MBOAT2: variants seen among roughly 807,000 people sequenced by gnomAD.
The protein encoded by MBOAT2 is membrane bound glycerophospholipid O-acyltransferase 2.
In MBOAT2, 28 loss-of-function variants were observed where a neutral mutation model predicts 63.4. The ratio of observed to expected loss-of-function variants is 0.44; its 90% CI spans 0.33 to 0.61. The LOEUF (loss-of-function observed/expected upper bound fraction) is 0.61. MBOAT2 is among the 20% of genes least tolerant of loss of function. The pLI is 0.03. For synonymous variants in MBOAT2, 211 were observed against 215.6 expected, an observed-to-expected ratio of 0.98 and a Z score of 0.19; for missense variants, 470 against 605.8, an observed-to-expected ratio of 0.78 and a Z score of 2.35.
chr2:8,926,897 C>T (rs1349879856), intron 3 of MBOAT2, among the ~76,000 whole-genome samples: 2 of 152,158 alleles, frequency 1.3e-5, no homozygotes, highest in Non-Finnish European at 2.9e-5. Flanking sequence ...GTCACCACCA[C>T]CCACTTAGTG....
At chr2:8,898,424 A>T (rs1268222105) in intron 4 of MBOAT2, among the ~76,000 whole-genome samples, 3 of 152,230 alleles carry the variant, frequency 2.0e-5, no homozygotes, top group African/African-American at 7.2e-5. Context: ...GCCTGTATTC[A>T]TTCCTTGCTG....
chr2:8,934,563 A>G (rs952980666), intron 3 of MBOAT2, among the ~76,000 whole-genome samples: 12 of 152,220 alleles, frequency 7.9e-5, no homozygotes, highest in African/African-American at 2.9e-4. Context: ...GGATAAGATA[A>G]TATCAAAAAA....
chr2:8,964,473 T>C (rs1669847586), intron 1 of MBOAT2, among the ~76,000 whole-genome samples: 1 of 150,932 alleles, frequency 6.6e-6, no homozygotes, highest in African/African-American at 2.4e-5. Context: ...ATTTACATAT[T>C]GCATTGCTTT....
At chr2:8,890,174 G>T (rs1222078142) in intron 4 of MBOAT2, among the ~76,000 whole-genome samples, 2 of 152,104 alleles carry the variant, frequency 1.3e-5, no homozygotes, top group Non-Finnish European at 2.9e-5. Flanking sequence ...ACTCTTCCTC[G>T]AAGCATTTTA....
At chr2:8,899,442 C>T (rs560505181) in intron 4 of MBOAT2, among the ~76,000 whole-genome samples, 3 of 152,230 alleles carry the variant, frequency 2.0e-5, no homozygotes, top group Non-Finnish European at 4.4e-5. Context: ...CTGAGAAGGC[C>T]GCGCCAGTGT....
chr2:8,917,853 A>G (rs1666297022), intron 3 of MBOAT2, among the ~76,000 whole-genome samples: 1 of 152,254 alleles, frequency 6.6e-6, no homozygotes, highest in African/African-American at 2.4e-5. Flanking sequence ...TAATAGGTGA[A>G]AGGATACATA....
intron 8 of MBOAT2, among the ~76,000 whole-genome samples, chr2:8,872,029 T>C (rs1018939035): frequency 4.6e-5 from 7 of 152,180 alleles, no homozygotes; most frequent in African/African-American, 1.4e-4. Flanking sequence ...GCCAGAATCA[T>C]CTTCTTCTGC....
At chr2:8,935,906 TATC>T (rs142375582) in intron 3 of MBOAT2, among the ~76,000 whole-genome samples, 1,991 of 152,362 alleles carry the variant, frequency 0.013, 22 homozygotes, top group Middle Eastern at 0.027. Context: ...TGTTCAATTT[TATC>T]ATCAATAAAG....
At chr2:8,999,506 T>C (rs1014921403) in intron 1 of MBOAT2, among the ~76,000 whole-genome samples, 29 of 152,232 alleles carry the variant, frequency 1.9e-4, no homozygotes, top group African/African-American at 5.1e-4. Context: ...AATAGGTTGA[T>C]CTGGGACATT....
Position 8,873,112 on chromosome 2 carries a change from C to A in MBOAT2, c.879G>T (p.Thr293=), listed in dbSNP as rs1234728831. The part of the protein sequence containing the change: ...AARPKYYFAW[T]LADAINNAAG... Reference sequence around the variant, plus strand: ...ATCTATTTACATGTTACTTACCTAGCGTCCATGCAAAATAGTATTTGGGTC... The same window carrying A: ...ATCTATTTACATGTTACTTACCTAGAGTCCATGCAAAATAGTATTTGGGTC... Residue 293 remains threonine (T), a synonymous_variant, in exon 8 of 13, where the codon ACG becomes ACT. Coordinates refer to ENST00000305997, the MANE Select transcript of MBOAT2 (RefSeq NM_138799.4). 1.2e-6 allele frequency: 2 copies of A among 1,612,588 alleles called. No homozygotes were observed. The highest frequency in any genetic ancestry group is 1.7e-6 in the Non-Finnish European group (2 of 1,178,986).
At chr2:8,865,764 C>T (rs544570868) in intron 9 of MBOAT2, among the ~76,000 whole-genome samples, 33 of 152,314 alleles carry the variant, frequency 2.2e-4, no homozygotes, top group African/African-American at 6.7e-4. Flanking sequence ...AGGATGGGCA[C>T]GGTGGCTCAT....
chr2:8,967,052 C>G (rs1670045139), intron 1 of MBOAT2, among the ~76,000 whole-genome samples: 1 of 152,164 alleles, frequency 6.6e-6, no homozygotes, highest in African/African-American at 2.4e-5. Context: ...CCATACATCT[C>G]AAGTCAATTC....
At chr2:8,983,236 T>C (rs1427548410) in intron 1 of MBOAT2, among the ~76,000 whole-genome samples, 1 of 152,120 alleles carries the variant, frequency 6.6e-6, no homozygotes, top group African/African-American at 2.4e-5. Context: ...ATATTGTATT[T>C]TCATTACAAA....
At chr2:8,868,377 C>A (rs1235818359) in intron 9 of MBOAT2, 69 bp downstream of exon 9, 66 of 1,330,614 alleles carry the variant, frequency 5.0e-5, no homozygotes, top group Non-Finnish European at 6.8e-5. Context: ...GGACATCACA[C>A]CATAACTTAT....
rs34283384 is a variant in MBOAT2, at chr2:8,857,824, G to A, written c.*855C>T. 4,049 of 152,294 alleles carry A rather than the reference G, an allele frequency of 0.027. 64 individuals carry two copies. The highest frequency in any genetic ancestry group is 0.04 in the Non-Finnish European group (2,690 of 68,030). The allele number at this position is 152,294 out of a possible 1,614,324, so 9.4% of individuals were successfully genotyped here. On this transcript the variant is annotated 3_prime_UTR_variant, in exon 13 of 13. Coordinates refer to ENST00000305997, the MANE Select transcript of MBOAT2 (RefSeq NM_138799.4). ...ATGACGGCGCAGAGCCCTGGCATGG[G>A]GGGGAAGCTGCCTGCAGAGTCGCGG...
chr2:8,896,657 T>C (rs1664500300), intron 4 of MBOAT2, among the ~76,000 whole-genome samples: 1 of 152,238 alleles, frequency 6.6e-6, no homozygotes, highest in African/African-American at 2.4e-5. Flanking sequence ...TTAAAATTGG[T>C]ATAGACGGCT....
rs566771204 is a variant in MBOAT2, at chr2:8,999,472, T to C, written c.75+4068A>G. Among the ~76,000 whole-genome samples the C allele has an allele frequency of 2.6e-5, 4 of 152,322 alleles. No individual in the cohort carries two copies. The South Asian group carries it at 6.2e-4, about 24-fold the overall frequency. On this transcript the variant is annotated intron_variant, in intron 1 of 12. Coordinates refer to ENST00000305997, the MANE Select transcript of MBOAT2 (RefSeq NM_138799.4). ...TAATAGCGTACAGGATATGTTAAGA[T>C]TGAAAAATAAAAACACTCTAAAAAA...
chr2:8,938,230 C>T (rs569968671), intron 3 of MBOAT2, among the ~76,000 whole-genome samples: 16 of 152,304 alleles, frequency 1.1e-4, no homozygotes, highest in African/African-American at 3.6e-4. Context: ...ACATATGATG[C>T]ATTTGTTTCT....
rs555335691 is a variant in MBOAT2, at chr2:8,963,548, C to T, written c.76-4906G>A. On this transcript the variant is annotated intron_variant, in intron 1 of 12. Coordinates refer to ENST00000305997, the MANE Select transcript of MBOAT2 (RefSeq NM_138799.4). ...GAACTTCTGACCTCAAGTGATCCAC[C>T]CGCCTTGGCCTCCCAAAGTGCTGGG... 2.0e-5 allele frequency among the ~76,000 whole-genome samples: 3 copies of T among 152,236 alleles called. No homozygotes were observed. In the South Asian group the frequency reaches 6.2e-4, roughly 32 times the overall value.
Sources: gnomAD v4.1 joint callset for allele counts (sites outside exome capture counted in the v4.1 genomes callset) on GRCh38, gnomAD v4.1.1 for gene constraint, MANE v1.5 for transcripts, NCBI Gene and HGNC (gene_info 2026-07-23, HGNC 2026-07-21) for gene names.